Variants in CATSPERE observed in about 807,000 individuals in gnomAD.
CATSPERE encodes the protein cation channel sperm-associated auxiliary subunit epsilon.
A neutral mutation model predicts 114.1 loss-of-function variants in CATSPERE; 93 were observed. The observed-to-expected ratio is 0.81, with a 90% confidence interval of 0.69 to 0.97. CATSPERE has a LOEUF of 0.97. Ranked by LOEUF, CATSPERE falls within the 50% of genes least tolerant of loss-of-function variation. The pLI is 0.00. For synonymous variants in CATSPERE, 341 were observed against 384.1 expected (o/e 0.89, Z 1.31); for missense variants, 1,058 against 1,131.6 (o/e 0.93, Z 0.93).
intron 15 of CATSPERE, among the ~76,000 whole-genome samples, chr1:244,592,865 A>T (rs1228203259): frequency 1.3e-5 from 2 of 152,304 alleles, no homozygotes; most frequent in Non-Finnish European, 2.9e-5. Flanking sequence ...ATATGGCTGG[A>T]AACAGTGATT....
chr1:244,474,664 G>A (rs1194010297), intron 2 of CATSPERE, among the ~76,000 whole-genome samples: 1 of 150,176 alleles, frequency 6.7e-6, no homozygotes, highest in Non-Finnish European at 1.5e-5. Flanking sequence ...GATTTTCTGT[G>A]CCTATCTTTC....
chr1:244,487,595 T>A (rs1039369973), intron 5 of CATSPERE, among the ~76,000 whole-genome samples: 1 of 152,150 alleles, frequency 6.6e-6, no homozygotes, highest in African/African-American at 2.4e-5. Context: ...CGTGCCTTAC[T>A]CCAGGACACT....
At chr1:244,591,571 A>T in intron 14 of CATSPERE, 110 bp from the exon 15 acceptor site, 3 of 612,342 alleles carry the variant, frequency 4.9e-6, no homozygotes, top group Non-Finnish European at 8.6e-6. Context: ...TCAGTAAATG[A>T]TGATTCTCTG....
At chr1:244,480,142 C>T (rs1220911706) in intron 5 of CATSPERE, among the ~76,000 whole-genome samples, 1 of 152,062 alleles carries the variant, frequency 6.6e-6, no homozygotes, top group Non-Finnish European at 1.5e-5. Flanking sequence ...GAGATTTGAC[C>T]CTGGTTTTTC....
chr1:244,583,488 A>C (rs1666547373), intron 12 of CATSPERE, among the ~76,000 whole-genome samples: 1 of 152,148 alleles, frequency 6.6e-6, no homozygotes, highest in African/African-American at 2.4e-5. Context: ...CCAGAGGAGG[A>C]ACCCACACAG....
At chr1:244,616,903 A>G (rs1558601549) in intron 19 of CATSPERE, among the ~76,000 whole-genome samples, 1 of 152,230 alleles carries the variant, frequency 6.6e-6, no homozygotes, top group Non-Finnish European at 1.5e-5. Flanking sequence ...GTAGAAGAAG[A>G]GTCCTTTAAG....
Position 244,575,562 on chromosome 1 carries a change from TG to T in CATSPERE, c.1950+2793del, listed in dbSNP as rs1160178805. Among the ~76,000 whole-genome samples, 2 of 152,168 alleles carry T rather than the reference TG, an allele frequency of 1.3e-5. No individual in the cohort carries two copies. On this transcript the variant is annotated intron_variant, in intron 11 of 21. Coordinates refer to ENST00000366534, the MANE Select transcript of CATSPERE (RefSeq NM_001130957.2). This position sits in a 1 kb window ranked among gnomAD's most constrained non-coding sequence, Gnocchi z 4.5. ...GCCTGGATGGCTCTAGCTGCATGGC[TG>T]GGTGCGAGGAGAGCATCCTAGCCAC...
At chr1:244,623,936 T>A (rs897672811) in intron 20 of CATSPERE, among the ~76,000 whole-genome samples, 4 of 152,130 alleles carry the variant, frequency 2.6e-5, no homozygotes, top group South Asian at 2.1e-4. Context: ...ATTGGGGTGG[T>A]GGTTGCTGAT....
In CATSPERE at chr1:244,543,194, A is replaced by G. The variant is rs536159262; in HGVS notation, c.537-9128A>G. On this transcript the variant is annotated intron_variant, in intron 8 of 21. Transcript: ENST00000366534. ...AGGGATAATCTGCATTCCCGTGTTCACTGATTCACAATAGCTGAGATATGG... is the reference window on the plus strand; with the variant it reads ...AGGGATAATCTGCATTCCCGTGTTCGCTGATTCACAATAGCTGAGATATGG... Among the ~76,000 whole-genome samples, 14 of 152,294 alleles carry G rather than the reference A, an allele frequency of 9.2e-5. No homozygotes were observed. In the South Asian group the frequency reaches 2.9e-3, roughly 32 times the overall value.
rs1673580602 is a variant in CATSPERE, at chr1:244,499,082, A to T, written c.429+3A>T. Reference sequence around the variant, plus strand: ...GGAATGCAGAAGAACCTTCAATAGTAGGTGGAAACATTAGTATCGTCATAG... The same window carrying T: ...GGAATGCAGAAGAACCTTCAATAGTTGGTGGAAACATTAGTATCGTCATAG... On this transcript the variant is annotated splice_donor_region_variant and intron_variant, in intron 7 of 21. Coordinates refer to ENST00000366534, the MANE Select transcript of CATSPERE (RefSeq NM_001130957.2). 1 of 1,600,898 alleles carries T rather than the reference A, an allele frequency of 6.2e-7. No individual in the cohort carries two copies. The highest frequency in any genetic ancestry group is 8.6e-7 in the Non-Finnish European group (1 of 1,168,522).
At chr1:244,474,328 A>G (rs1668946175) in intron 2 of CATSPERE, among the ~76,000 whole-genome samples, 1 of 152,040 alleles carries the variant, frequency 6.6e-6, no homozygotes, top group Non-Finnish European at 1.5e-5. Flanking sequence ...CACCGCACTC[A>G]GTTTACTGCT....
chr1:244,632,280 G>A (rs1392657280), intron 20 of CATSPERE, among the ~76,000 whole-genome samples: 1 of 151,258 alleles, frequency 6.6e-6, no homozygotes, highest in Non-Finnish European at 1.5e-5. Flanking sequence ...TTTAATGCCA[G>A]CTACTTGGGA....
chr1:244,470,262 G>A (rs75005194), intron 2 of CATSPERE, among the ~76,000 whole-genome samples: 7,045 of 152,248 alleles, frequency 0.046, 191 homozygotes, highest in Middle Eastern at 0.068. Flanking sequence ...GGATGGGAGA[G>A]AAATTTTGTG....
chr1:244,508,036 T>C (rs1675081852), intron 7 of CATSPERE, among the ~76,000 whole-genome samples: 1 of 152,158 alleles, frequency 6.6e-6, no homozygotes, highest in Non-Finnish European at 1.5e-5. Context: ...AGAGATTGCA[T>C]TGAATTTGTA....
Position 244,576,357 on chromosome 1 carries a change from A to C in CATSPERE, c.1950+3585A>C, listed in dbSNP as rs1275038195. Among the ~76,000 whole-genome samples, 11 of 151,730 alleles carry C rather than the reference A, an allele frequency of 7.2e-5. No homozygotes were observed. In the East Asian group the frequency reaches 2.2e-3, roughly 30 times the overall value. ...CCATTTTGTTGTAAGTAAAATGTTTATCCAGAAACAGAATGCTTGTTTCTC... is the reference window on the plus strand; with the variant it reads ...CCATTTTGTTGTAAGTAAAATGTTTCTCCAGAAACAGAATGCTTGTTTCTC... On this transcript the variant is annotated intron_variant, in intron 11 of 21. Transcript: ENST00000366534.
intron 18 of CATSPERE, among the ~76,000 whole-genome samples, chr1:244,609,980 G>A (rs1020171303): frequency 1.3e-4 from 20 of 152,196 alleles, no homozygotes; most frequent in East Asian, 1.9e-4. Context: ...CCAGGAGCTC[G>A]AGGCTGCAGT....
At chr1:244,489,656 G>T (rs909368972) in intron 5 of CATSPERE, among the ~76,000 whole-genome samples, 4 of 151,746 alleles carry the variant, frequency 2.6e-5, no homozygotes, top group African/African-American at 9.7e-5. Context: ...TTTTCCAGTG[G>T]CTGTCTTGAA....
At position 244,575,851 on chromosome 1, in the gene CATSPERE, G is replaced by T. The variant is rs1251473177; in HGVS notation, c.1950+3079G>T. Among the ~76,000 whole-genome samples the T allele has an allele frequency of 6.6e-6, 1 of 151,736 alleles. No individual in the cohort carries two copies. Among genetic ancestry groups the T allele is most frequent in the Non-Finnish European group, 1.5e-5 (1 of 67,958 alleles). On this transcript the variant is annotated intron_variant, in intron 11 of 21. Coordinates refer to ENST00000366534, the MANE Select transcript of CATSPERE (RefSeq NM_001130957.2). This position sits in a 1 kb window ranked among gnomAD's most constrained non-coding sequence, Gnocchi z 4.5. ...TTGAATATTTTTCCTATTGCTGGAGGATTGTGTGAGGTTCAGTCTCTCCCT... is the reference window on the plus strand; with the variant it reads ...TTGAATATTTTTCCTATTGCTGGAGTATTGTGTGAGGTTCAGTCTCTCCCT...
upstream of CATSPERE, among the ~76,000 whole-genome samples, chr1:244,459,133 C>G (rs938247120): frequency 7.0e-6 from 1 of 142,338 alleles, no homozygotes; most frequent in South Asian, 2.2e-4. Context: ...GGCTGGAGTT[C>G]GGTGGCTCAG....
Sources: gnomAD v4.1 joint callset for allele counts (sites outside exome capture counted in the v4.1 genomes callset) on GRCh38, gnomAD v4.1.1 for gene constraint, Gnocchi (gnomAD v3.1) non-coding constraint, MANE v1.5 for transcripts, NCBI Gene and HGNC (gene_info 2026-07-23, HGNC 2026-07-21) for gene names.